TAFA1: variants seen among roughly 807,000 people sequenced by gnomAD.
TAFA1 encodes the protein TAFA chemokine like family member 1.
TAFA1 carries 4 observed loss-of-function variants against 18.5 expected under a neutral mutation model. The observed-to-expected ratio is 0.22, with a 90% CI of 0.11 to 0.49. The LOEUF (loss-of-function observed/expected upper bound fraction) is 0.49. Ranked by LOEUF, TAFA1 falls within the 20% of genes least tolerant of loss-of-function variation. TAFA1 has a pLI of 0.98. For synonymous variants in TAFA1, 56 were observed against 55.2 expected, an observed-to-expected ratio of 1.01 and a Z score of -0.06; for missense variants, 147 against 169.0, an observed-to-expected ratio of 0.87 and a Z score of 0.72.
At chr3:68,363,343 C>T (rs1019916254) in intron 2 of TAFA1, among the ~76,000 whole-genome samples, 1 of 152,108 alleles carries the variant, frequency 6.6e-6, no homozygotes, top group African/African-American at 2.4e-5. Flanking sequence ...CTGGGTTGCA[C>T]CTTTCTGTCC....
chr3:68,039,955 C>T (rs1705130103), intron 2 of TAFA1, among the ~76,000 whole-genome samples: 1 of 152,162 alleles, frequency 6.6e-6, no homozygotes, highest in African/African-American at 2.4e-5. Context: ...CCATACATTT[C>T]TGATCTGCCC....
chr3:68,305,660 G>A (rs547640223), intron 2 of TAFA1, among the ~76,000 whole-genome samples: 2 of 151,686 alleles, frequency 1.3e-5, no homozygotes, highest in East Asian at 2.0e-4. Flanking sequence ...CCAGTGGGGT[G>A]GGGGTCAGGG....
chr3:68,336,280 A>T (rs953079380), intron 2 of TAFA1, among the ~76,000 whole-genome samples: 1 of 152,218 alleles, frequency 6.6e-6, no homozygotes, highest in East Asian at 1.9e-4. Flanking sequence ...GGGCTTCAGT[A>T]TCTGAAAATC....
intron 2 of TAFA1, among the ~76,000 whole-genome samples, chr3:68,249,992 T>C (rs908509676): frequency 6.6e-6 from 1 of 152,200 alleles, no homozygotes; most frequent in Admixed American, 6.5e-5. Context: ...GAAACATTTA[T>C]TGTTCCTTCA....
intron 2 of TAFA1, among the ~76,000 whole-genome samples, chr3:68,280,677 C>T (rs2067882864): frequency 6.6e-6 from 1 of 151,878 alleles, no homozygotes; most frequent in Non-Finnish European, 1.5e-5. Flanking sequence ...TGAAGGAGAA[C>T]CCAAATTATA....
chr3:68,270,912 A>G (rs2067653921), intron 2 of TAFA1, among the ~76,000 whole-genome samples: 1 of 152,136 alleles, frequency 6.6e-6, no homozygotes, highest in Non-Finnish European at 1.5e-5. Context: ...AAAGATAACA[A>G]TTTTTGTTTC....
intron 2 of TAFA1, among the ~76,000 whole-genome samples, chr3:68,407,317 A>G (rs550132174): frequency 1.2e-4 from 18 of 152,222 alleles, no homozygotes; most frequent in African/African-American, 3.6e-4. Context: ...CCTGATAAGT[A>G]TAAGAATTAT....
chr3:68,503,300 AG>A (rs2072691508), intron 3 of TAFA1, among the ~76,000 whole-genome samples: 1 of 152,164 alleles, frequency 6.6e-6, no homozygotes, highest in African/African-American at 2.4e-5. Context: ...TGTATGTACA[AG>A]TACTGCAAAA....
chr3:68,296,551 A>G (rs1003641271), intron 2 of TAFA1, among the ~76,000 whole-genome samples: 3 of 138,940 alleles, frequency 2.2e-5, no homozygotes, highest in African/African-American at 8.3e-5. Flanking sequence ...AGTGATTTTT[A>G]GGGGCTCAAA....
At chr3:68,471,552 C>T (rs887468193) in intron 3 of TAFA1, among the ~76,000 whole-genome samples, 3 of 152,068 alleles carry the variant, frequency 2.0e-5, no homozygotes, top group Non-Finnish European at 2.9e-5. Context: ...TGGAGTCCGA[C>T]GTTCAAGGGC....
intron 2 of TAFA1, among the ~76,000 whole-genome samples, chr3:68,009,085 A>G (rs201824261): frequency 1.3e-5 from 2 of 152,306 alleles, no homozygotes; most frequent in East Asian, 3.9e-4. Context: ...TTTGCTGTTC[A>G]CACAGCTAAT....
At chr3:68,181,239 G>C (rs373580756) in intron 2 of TAFA1, among the ~76,000 whole-genome samples, 158 of 152,226 alleles carry the variant, frequency 1.0e-3, no homozygotes, top group African/African-American at 3.4e-3. Flanking sequence ...TGGGGACCCA[G>C]CCAAATTGTG....
intron 2 of TAFA1, among the ~76,000 whole-genome samples, chr3:68,245,057 C>T (rs776628588): frequency 2.0e-5 from 3 of 152,140 alleles, no homozygotes; most frequent in African/African-American, 7.2e-5. Context: ...TAGTCAGGAC[C>T]GATGACCTCT....
At chr3:68,053,710 TA>T (rs2064500149) in intron 2 of TAFA1, among the ~76,000 whole-genome samples, 1 of 152,144 alleles carries the variant, frequency 6.6e-6, no homozygotes, top group Admixed American at 6.6e-5. Context: ...GATTTTATTT[TA>T]TTATTTTTTA....
intron 2 of TAFA1, among the ~76,000 whole-genome samples, chr3:68,165,193 C>G (rs1231786095): frequency 6.6e-6 from 1 of 152,178 alleles, no homozygotes; most frequent in East Asian, 1.9e-4. Flanking sequence ...TGATGAGTGA[C>G]TCTCTGTATC....
chr3:68,451,957 C>T (rs773198362), intron 3 of TAFA1, among the ~76,000 whole-genome samples: 1 of 152,112 alleles, frequency 6.6e-6, no homozygotes, highest in Non-Finnish European at 1.5e-5. Flanking sequence ...TTTTCCTGGA[C>T]ACTGTGATGA....
intron 2 of TAFA1, among the ~76,000 whole-genome samples, chr3:68,112,009 A>T (rs1039724157): frequency 1.3e-4 from 20 of 152,182 alleles, no homozygotes; most frequent in Non-Finnish European, 2.9e-5. Flanking sequence ...GCTGCCTATT[A>T]TCAGGAGTAG....
At position 68,035,775 on chromosome 3, in the gene TAFA1, C is replaced by T. The variant is rs73104888; in HGVS notation, c.118+29031C>T. Among the ~76,000 whole-genome samples the T allele has an allele frequency of 9.2e-3, 1,399 of 152,246 alleles. 12 individuals are homozygous for T. The highest frequency in any genetic ancestry group is 0.012 in the Non-Finnish European group (799 of 68,020). On this transcript the variant is annotated intron_variant, in intron 2 of 4. Coordinates refer to ENST00000478136, the MANE Select transcript of TAFA1 (RefSeq NM_213609.4). ...TCAATCACTAGGAACTGAAGACACT[C>T]CAAATGTCCTTTAATGGGTTGGATA...
At chr3:68,210,785 T>C (rs1256313061) in intron 2 of TAFA1, among the ~76,000 whole-genome samples, 3 of 152,038 alleles carry the variant, frequency 2.0e-5, no homozygotes, top group Non-Finnish European at 4.4e-5. Flanking sequence ...CCACATAACA[T>C]ATAAACTCCA....
Sources: gnomAD v4.1 joint callset for allele counts (sites outside exome capture counted in the v4.1 genomes callset) on GRCh38, gnomAD v4.1.1 for gene constraint, MANE v1.5 for transcripts, NCBI Gene and HGNC (gene_info 2026-07-23, HGNC 2026-07-21) for gene names.